Variants in KPNA3 observed in about 807,000 individuals in gnomAD.
KPNA3 encodes the protein importin subunit alpha-4.
KPNA3 carries 13 observed loss-of-function variants against 73.8 expected under a neutral mutation model. The observed-to-expected ratio is 0.18, with a 90% confidence interval of 0.11 to 0.28. KPNA3 has a LOEUF of 0.28. KPNA3 is among the 10% of genes least tolerant of loss of function. The pLI, the probability that KPNA3 is intolerant of heterozygous loss-of-function variation, is 1.00. For synonymous variants in KPNA3, 186 were observed against 206.9 expected (o/e 0.90, Z 0.87); for missense variants, 360 against 618.1 (o/e 0.58, Z 4.43).
chr13:49,753,026 C>CAAAAAAAAAAAAAAAAAAAAA (rs71078888), intron 1 of KPNA3, among the ~76,000 whole-genome samples: 2 of 82,204 alleles, frequency 2.4e-5, no homozygotes, highest in African/African-American at 5.0e-5. Flanking sequence ...GACTCTGTCT[C>CAAAAAAAAAAAAAAAAAAAAA]AAAAAAAAAA....
At chr13:49,758,012 A>AT (rs1954726198) in intron 1 of KPNA3, among the ~76,000 whole-genome samples, 1 of 152,156 alleles carries the variant, frequency 6.6e-6, no homozygotes, top group African/African-American at 2.4e-5. Context: ...TTTAATAAAA[A>AT]TTTTAAAGGA....
In KPNA3 at chr13:49,783,215, T is replaced by C. The variant is rs1004025904; in HGVS notation, c.69+9223A>G. On this transcript the variant is annotated intron_variant, in intron 1 of 16. Transcript: ENST00000261667. Reference sequence around the variant, plus strand: ...AGGCAAGTGTCAAAATAAAGTAAAATCTAGTATGTATACAACCTCCCTAAC... The same window carrying C: ...AGGCAAGTGTCAAAATAAAGTAAAACCTAGTATGTATACAACCTCCCTAAC... Among the ~76,000 whole-genome samples the C allele has an allele frequency of 2.6e-5, 4 of 152,094 alleles. No homozygotes were observed. In the Middle Eastern group the frequency reaches 0.01, roughly 388 times the overall value.
At chr13:49,743,335 A>C (rs1282369438) in intron 2 of KPNA3, among the ~76,000 whole-genome samples, 1 of 152,174 alleles carries the variant, frequency 6.6e-6, no homozygotes, top group African/African-American at 2.4e-5. Flanking sequence ...TAAAGAGTGG[A>C]AGAATCTTCT....
intron 1 of KPNA3, among the ~76,000 whole-genome samples, chr13:49,774,310 C>A (rs913108606): frequency 6.6e-6 from 1 of 152,104 alleles, no homozygotes; most frequent in Non-Finnish European, 1.5e-5. Context: ...GCCACATGAG[C>A]CACAGCCCCA....
At chr13:49,759,080 CAAT>C (rs1172977851) in intron 1 of KPNA3, among the ~76,000 whole-genome samples, 2 of 152,088 alleles carry the variant, frequency 1.3e-5, no homozygotes, top group Non-Finnish European at 2.9e-5. Context: ...AAAGACAATA[CAAT>C]TATTATCAAT....
At chr13:49,717,445 A>AAC (rs1954315133) in intron 10 of KPNA3, among the ~76,000 whole-genome samples, 1 of 151,098 alleles carries the variant, frequency 6.6e-6, no homozygotes, top group African/African-American at 2.4e-5. Context: ...AAAAAGAAAA[A>AAC]AAAAAAAAAA....
intron 1 of KPNA3, among the ~76,000 whole-genome samples, chr13:49,758,751 T>TAG (rs1470591874): frequency 1.4e-5 from 1 of 73,480 alleles, no homozygotes; most frequent in Non-Finnish European, 4.7e-5. Flanking sequence ...TACATATAAA[T>TAG]ATACACACAC....
rs966584372 is a variant in KPNA3, at chr13:49,750,829, TA to T, written c.70-3837del. On this transcript the variant is annotated intron_variant, in intron 1 of 16. Transcript: ENST00000261667. The stretch of plus-strand genomic sequence containing the variant: ...CAACATGGTGAAACCCCATCTCTAC[TA>T]AAAATATCAAAATTAGCTGGGCATG... Among the ~76,000 whole-genome samples, 68 of 152,084 alleles carry T rather than the reference TA, an allele frequency of 4.5e-4. 1 individual carries two copies. Among genetic ancestry groups the T allele is most frequent in the Middle Eastern group, 3.4e-3 (1 of 294 alleles).
intron 1 of KPNA3, among the ~76,000 whole-genome samples, chr13:49,748,624 G>A (rs1019554192): frequency 6.6e-6 from 1 of 151,854 alleles, no homozygotes; most frequent in African/African-American, 2.4e-5. Context: ...TAACTATACT[G>A]AAATAATCTA....
chr13:49,762,948 C>T (rs933126624), intron 1 of KPNA3, among the ~76,000 whole-genome samples: 9 of 133,680 alleles, frequency 6.7e-5, no homozygotes, highest in African/African-American at 1.6e-4. Context: ...GAGGAGAGGT[C>T]GGTCAAGTTG....
intron 1 of KPNA3, among the ~76,000 whole-genome samples, chr13:49,779,835 G>A (rs1434984143): frequency 1.3e-5 from 2 of 151,898 alleles, no homozygotes. Flanking sequence ...CCTTCTCACT[G>A]GCCCCCAAAG....
At position 49,792,572 on chromosome 13, in the gene KPNA3, G is replaced by A. The variant is rs1313427228; in HGVS notation, c.-66C>T. 3.0e-6 allele frequency: 3 copies of A among 1,005,500 alleles called. No homozygotes were observed. The highest frequency in any genetic ancestry group is 3.6e-5 in the African/African-American group (2 of 55,482). The allele number at this position is 1,005,500 out of a possible 1,614,324, so 62.3% of individuals were successfully genotyped here. The stretch of plus-strand genomic sequence containing the variant: ...GGCGGCGGCGGCGGCGAATCTTGGA[G>A]CGGGAGGGGGAGGAGGGGGAGAGCG... On this transcript the variant is annotated 5_prime_UTR_variant, in exon 1 of 17. Transcript: ENST00000261667.
At chr13:49,792,184 G>A (rs1732488557) in intron 1 of KPNA3, among the ~76,000 whole-genome samples, 1 of 151,962 alleles carries the variant, frequency 6.6e-6, no homozygotes. Context: ...CCGACACCAG[G>A]CCGCGCCCGC....
At chr13:49,753,688 T>C (rs2137575277) in intron 1 of KPNA3, among the ~76,000 whole-genome samples, 1 of 152,360 alleles carries the variant, frequency 6.6e-6, no homozygotes, top group East Asian at 1.9e-4. Flanking sequence ...CTCCATTTCC[T>C]GTCAGATCAC....
intron 1 of KPNA3, among the ~76,000 whole-genome samples, chr13:49,748,730 T>C (rs1954638806): frequency 6.6e-6 from 1 of 152,092 alleles, no homozygotes; most frequent in African/African-American, 2.4e-5. Flanking sequence ...TGTGATGGAA[T>C]TATATACTGA....
At chr13:49,762,941 G>C (rs1594455562) in intron 1 of KPNA3, among the ~76,000 whole-genome samples, 1 of 111,292 alleles carries the variant, frequency 9.0e-6, no homozygotes, top group African/African-American at 3.5e-5. Flanking sequence ...AAAAGAAGAG[G>C]AGAGGTCGGT....
At chr13:49,783,976 G>T (rs1954961192) in intron 1 of KPNA3, among the ~76,000 whole-genome samples, 2 of 152,104 alleles carry the variant, frequency 1.3e-5, no homozygotes, top group South Asian at 4.1e-4. Flanking sequence ...GTTTAGACTG[G>T]GCTCAGTGGC....
At chr13:49,751,592 C>T (rs1954663809) in intron 1 of KPNA3, among the ~76,000 whole-genome samples, 1 of 152,078 alleles carries the variant, frequency 6.6e-6, no homozygotes, top group Admixed American at 6.6e-5. Flanking sequence ...ATCAGAATAG[C>T]CAAACTTAAA....
intron 1 of KPNA3, among the ~76,000 whole-genome samples, chr13:49,783,390 A>G (rs1165119465): frequency 1.3e-5 from 2 of 152,142 alleles, no homozygotes; most frequent in Non-Finnish European, 2.9e-5. Context: ...TATACTTTTA[A>G]TATTCCTTCA....
Sources: gnomAD v4.1 joint callset for allele counts (sites outside exome capture counted in the v4.1 genomes callset) on GRCh38, gnomAD v4.1.1 for gene constraint, MANE v1.5 for transcripts, NCBI Gene and HGNC (gene_info 2026-07-23, HGNC 2026-07-21) for gene names.